The following PXDC1 variants were observed in gnomAD, a reference collection of about 807,000 sequenced individuals.
PXDC1 encodes PX domain containing 1.
In PXDC1, 13 loss-of-function variants were observed where a neutral mutation model predicts 24.4. The ratio of observed to expected loss-of-function variants is 0.53; its 90% CI spans 0.35 to 0.85. PXDC1 has a LOEUF of 0.85. Among genes scored for constraint, PXDC1 ranks in the 40% least tolerant of loss-of-function variants. The pLI, the probability that PXDC1 is intolerant of heterozygous loss-of-function variation, is 0.01. For synonymous variants in PXDC1, 162 were observed against 124.9 expected (o/e 1.30, Z -1.98); for missense variants, 344 against 309.3 (o/e 1.11, Z -0.84).
At chr6:3,740,207 T>C (rs1760422506) in intron 1 of PXDC1, among the ~76,000 whole-genome samples, 1 of 152,246 alleles carries the variant, frequency 6.6e-6, no homozygotes, top group Non-Finnish European at 1.5e-5. Context: ...TGCTTTTATC[T>C]TTGCTTTGCT....
rs1384021651 is a variant in PXDC1 at position 3,725,157 on chromosome 6, G to A, written c.579-1421C>T. On this transcript the variant is annotated intron_variant, in intron 4 of 4. Coordinates refer to ENST00000380283, the MANE Select transcript of PXDC1 (RefSeq NM_183373.4). This position sits in a 1 kb window ranked among gnomAD's most constrained non-coding sequence, Gnocchi z 4.8. ...GATGGAAACCCAAGGGGGAACCTTG[G>A]GCGTGCCGAAAGGTTCAAGCCAGTC... Among the ~76,000 whole-genome samples, 1 of 152,116 alleles carries A rather than the reference G, an allele frequency of 6.6e-6. No individual in the cohort carries two copies. The highest frequency in any genetic ancestry group is 2.4e-5 in the African/African-American group (1 of 41,420).
intron 1 of PXDC1, among the ~76,000 whole-genome samples, chr6:3,743,003 A>G (rs1414213950): frequency 1.3e-5 from 2 of 152,252 alleles, no homozygotes; most frequent in Admixed American, 1.3e-4. Flanking sequence ...CGCTGGAGGC[A>G]GTACAAAAAT....
chr6:3,731,334 G>A (rs1760192039), intron 3 of PXDC1, among the ~76,000 whole-genome samples: 1 of 152,152 alleles, frequency 6.6e-6, no homozygotes, highest in African/African-American at 2.4e-5. Context: ...AAAAAGAACG[G>A]AAGAAAATGC....
Position 3,751,439 on chromosome 6 carries a change from C to T in PXDC1, c.93G>A (p.Arg31=). 6.3e-7 allele frequency: 1 copy of T among 1,593,754 alleles called. No individual in the cohort carries two copies. The highest frequency in any genetic ancestry group is 2.3e-5 in the East Asian group (1 of 43,942). Residue 31 remains arginine, a synonymous_variant, in exon 1 of 5, where the codon CGG becomes CGA. Transcript: ENST00000380283. ...CGAAGAACTCCTCTTCGTCGCCGCG[C>T]CGGCTGACGATGAGCCTGCGGATGC... is the stretch of plus-strand genomic sequence containing the variant. ...VNGIRRLIVS[R]RGDEEEFFEI... is the part of the protein sequence containing the mutation.
chr6:3,734,431 G>T (rs1293796732), intron 3 of PXDC1, among the ~76,000 whole-genome samples: 1 of 152,148 alleles, frequency 6.6e-6, no homozygotes, highest in Non-Finnish European at 1.5e-5. Context: ...AGAGACACTG[G>T]TGCTAGGACT....
chr6:3,723,649 C>G lies in PXDC1; in HGVS notation c.666G>C (p.Leu222=), dbSNP rs780385544. 1.2e-6 allele frequency: 2 copies of G among 1,614,032 alleles called. No individual in the cohort carries two copies. Among genetic ancestry groups the G allele is most frequent in the African/African-American group, 1.3e-5 (1 of 74,938 alleles). ...CCCAAATGTCTGTCTCGAAGGGGAC[C>G]AGGTGGTAATATGACAGGTTGGTGA... ...AYVTNLSYYH[L]VPFETDIWD is the part of the protein sequence containing the mutation. Residue 222 remains leucine, a synonymous_variant, in exon 5 of 5, where the codon CTG becomes CTC. Coordinates refer to ENST00000380283, the MANE Select transcript of PXDC1 (RefSeq NM_183373.4).
Position 3,738,900 on chromosome 6 carries a change from G to A in PXDC1, c.257-752C>T, listed in dbSNP as rs552937521. 1.3e-4 allele frequency: 164 copies of A among 1,302,618 alleles called. 1 individual carries two copies. In the African/African-American group the frequency reaches 2.2e-3, roughly 18 times the overall value. 80.7% of individuals were successfully genotyped at this position (1,302,618 alleles called of 1,614,324 possible). On this transcript the variant is annotated intron_variant, in intron 1 of 4. Coordinates refer to ENST00000380283, the MANE Select transcript of PXDC1 (RefSeq NM_183373.4). ...TTCTATCCGTCGGCTTTGCAGGGAT[G>A]GGGAAGTAGGTGCCCAAGGACACTG...
Position 3,737,312 on chromosome 6 carries a change from C to A in PXDC1, c.349-116G>T. 1.4e-6 allele frequency: 1 copy of A among 728,600 alleles called. No individual in the cohort carries two copies. Among genetic ancestry groups the A allele is most frequent in the Non-Finnish European group, 2.4e-6 (1 of 419,216 alleles). The allele number at this position is 728,600 out of a possible 1,614,324, so 45.1% of individuals were successfully genotyped here. A position where few individuals can be genotyped will look rare whatever the true frequency, so the allele number is the denominator to read the frequency against. Reference sequence around the variant, plus strand: ...AGGCAGCCTGTGTGATGCAAACGCCCCATGAATGTCCAGATGCTCCCATGG... The same window carrying A: ...AGGCAGCCTGTGTGATGCAAACGCCACATGAATGTCCAGATGCTCCCATGG... On this transcript the variant is annotated intron_variant, in intron 2 of 4. Transcript: ENST00000380283. The surrounding 1 kb of genome is among the most constrained non-coding windows in gnomAD (Gnocchi z 5.5).
chr6:3,729,249 A>G (rs1423948763), intron 3 of PXDC1, among the ~76,000 whole-genome samples: 1 of 152,158 alleles, frequency 6.6e-6, no homozygotes, highest in East Asian at 1.9e-4. Context: ...ATCTTTCTAC[A>G]TATTTGGTTC....
chr6:3,724,593 A>T lies in PXDC1; in HGVS notation c.579-857T>A, dbSNP rs1013184096. On this transcript the variant is annotated intron_variant, in intron 4 of 4. Coordinates refer to ENST00000380283, the MANE Select transcript of PXDC1 (RefSeq NM_183373.4). This position sits in a 1 kb window ranked among gnomAD's most constrained non-coding sequence, Gnocchi z 4.5. ...ACCTATGAATCAGCCCAAACCCAGC[A>T]GGCCGCGTGGGAGTGTGGACAGAGG... Among the ~76,000 whole-genome samples, 9 of 152,176 alleles carry T rather than the reference A, an allele frequency of 5.9e-5. No homozygotes were observed.
intron 3 of PXDC1, among the ~76,000 whole-genome samples, chr6:3,735,394 T>C (rs771375779): frequency 6.6e-6 from 1 of 152,114 alleles, no homozygotes; most frequent in Non-Finnish European, 1.5e-5. Context: ...GTAAAGGAAA[T>C]GTGGTACATA....
intron 3 of PXDC1, among the ~76,000 whole-genome samples, chr6:3,732,184 G>A (rs973748733): frequency 4.6e-5 from 7 of 152,154 alleles, no homozygotes; most frequent in African/African-American, 9.7e-5. Context: ...CCCCACAAAC[G>A]TCACAACCCC....
rs1760354229 is a variant in PXDC1, at chr6:3,737,770, G to A, written c.348+287C>T. The A allele has an allele frequency of 2.5e-6, 2 of 792,588 alleles. No homozygotes were observed. Among genetic ancestry groups the A allele is most frequent in the Non-Finnish European group, 3.1e-6 (2 of 653,950 alleles). 49.1% of individuals were successfully genotyped at this position (792,588 alleles called of 1,614,324 possible). Reference sequence around the variant, plus strand: ...AAAGCAAAGGCCTCCTGCAGCCAGAGGGGATCCGCACCCTTCCACCCATGC... The same window carrying A: ...AAAGCAAAGGCCTCCTGCAGCCAGAAGGGATCCGCACCCTTCCACCCATGC... On this transcript the variant is annotated intron_variant, in intron 2 of 4. Coordinates refer to ENST00000380283, the MANE Select transcript of PXDC1 (RefSeq NM_183373.4). This position sits in a 1 kb window ranked among gnomAD's most constrained non-coding sequence, Gnocchi z 5.5.
In PXDC1 at chr6:3,723,085, A is replaced by G. The variant is rs1759975708; in HGVS notation, c.*534T>C. On this transcript the variant is annotated 3_prime_UTR_variant, in exon 5 of 5. Transcript: ENST00000380283. ...TTTCCAGATAAAAGATAAAAAGAAA[A>G]AAAAAAAGGCCACATATCCCAGTTC... is the stretch of plus-strand genomic sequence containing the variant. 1 of 152,706 alleles carries G rather than the reference A, an allele frequency of 6.5e-6. No individual in the cohort carries two copies. 9.5% of individuals were successfully genotyped at this position (152,706 alleles called of 1,614,324 possible).
chr6:3,748,393 C>T (rs1424587958), intron 1 of PXDC1, among the ~76,000 whole-genome samples: 2 of 152,130 alleles, frequency 1.3e-5, no homozygotes, highest in Non-Finnish European at 2.9e-5. Context: ...AGGACAGAAG[C>T]TGGGCAAGTC....
chr6:3,745,516 C>A (rs1760550400), intron 1 of PXDC1, among the ~76,000 whole-genome samples: 1 of 152,224 alleles, frequency 6.6e-6, no homozygotes, highest in South Asian at 2.1e-4. Flanking sequence ...GGTGGCAAAG[C>A]CAGCATCCAA....
At position 3,751,407 on chromosome 6, in the gene PXDC1, C is replaced by G; in HGVS notation, c.125G>C (p.Arg42Pro). 6.3e-7 allele frequency: 1 copy of G among 1,578,244 alleles called. No homozygotes were observed. Among genetic ancestry groups the G allele is most frequent in the Non-Finnish European group, 8.6e-7 (1 of 1,163,142 alleles). The change falls in exon 1 of 5, where the codon CGC becomes CCC. Residue 42 changes from arginine (R) to proline (P), a missense_variant. Transcript: ENST00000380283. Reference protein sequence around the residue: ...RGDEEEFFEIRTEWSDRSVLY... With the variant: ...RGDEEEFFEIPTEWSDRSVLY... ...CACGCTGCGGTCCGACCACTCCGTG[C>G]GGATCTCGAAGAACTCCTCTTCGTC...
chr6:3,747,704 C>T (rs1391201646), intron 1 of PXDC1, among the ~76,000 whole-genome samples: 4 of 152,162 alleles, frequency 2.6e-5, no homozygotes, highest in Non-Finnish European at 5.9e-5. Flanking sequence ...AGTCGGAGCC[C>T]CTTTCTTTGC....
intron 3 of PXDC1, among the ~76,000 whole-genome samples, chr6:3,733,765 G>A (rs551320595): frequency 2.6e-5 from 4 of 152,266 alleles, no homozygotes; most frequent in South Asian, 4.1e-4. Context: ...ATGTTAGAAC[G>A]TGTTCTGTGC....
Sources: gnomAD v4.1 joint callset for allele counts (sites outside exome capture counted in the v4.1 genomes callset) on GRCh38, gnomAD v4.1.1 for gene constraint, Gnocchi (gnomAD v3.1) non-coding constraint, MANE v1.5 for transcripts, NCBI Gene and HGNC (gene_info 2026-07-23, HGNC 2026-07-21) for gene names.